The following HHAT variants were observed in gnomAD, a reference collection of about 807,000 sequenced individuals.
The protein encoded by HHAT is protein-cysteine N-palmitoyltransferase HHAT.
HHAT carries 47 observed loss-of-function variants against 70.8 expected under a neutral mutation model. That is an observed-to-expected ratio of 0.66 (90% CI 0.53 to 0.85). HHAT has a LOEUF of 0.85. Ranked by LOEUF, HHAT falls within the 40% of genes least tolerant of loss-of-function variation. The pLI is 0.00. For missense variants in HHAT, 609 were observed against 604.8 expected (o/e 1.01, Z -0.07); for synonymous variants, 228 against 247.6 (o/e 0.92, Z 0.74).
At chr1:210,346,337 C>T (rs2086524173) in intron 1 of HHAT, among the ~76,000 whole-genome samples, 1 of 152,174 alleles carries the variant, frequency 6.6e-6, no homozygotes, top group Admixed American at 6.5e-5. Flanking sequence ...CATCTTTTGA[C>T]AGGCGAGACA....
chr1:210,600,473 T>C (rs910273692), intron 10 of HHAT, among the ~76,000 whole-genome samples: 1 of 152,194 alleles, frequency 6.6e-6, no homozygotes, highest in Admixed American at 6.5e-5. Flanking sequence ...AATGCTGTTA[T>C]AATGCTCAGT....
chr1:210,518,932 A>C (rs1488613103), intron 9 of HHAT, among the ~76,000 whole-genome samples: 1 of 152,242 alleles, frequency 6.6e-6, no homozygotes, highest in Non-Finnish European at 1.5e-5. Context: ...TTTTGAAAGA[A>C]AGCTCATTGG....
chr1:210,421,573 T>A (rs2092905500), intron 7 of HHAT, among the ~76,000 whole-genome samples: 1 of 152,190 alleles, frequency 6.6e-6, no homozygotes. Flanking sequence ...GCCTCCCAAG[T>A]AGCTGGGATT....
At chr1:210,556,902 C>A (rs914242083) in intron 9 of HHAT, among the ~76,000 whole-genome samples, 1 of 152,162 alleles carries the variant, frequency 6.6e-6, no homozygotes, top group African/African-American at 2.4e-5. Flanking sequence ...AAGCCACTGA[C>A]CCCCTGAAGG....
chr1:210,486,566 T>TG (rs2094475291), intron 8 of HHAT, among the ~76,000 whole-genome samples: 1 of 152,170 alleles, frequency 6.6e-6, no homozygotes, highest in Admixed American at 6.5e-5. Context: ...TTCTTTTGAG[T>TG]GGACAGAGTC....
chr1:210,509,278 T>C (rs1261753903), intron 8 of HHAT, among the ~76,000 whole-genome samples: 1 of 152,214 alleles, frequency 6.6e-6, no homozygotes, highest in Non-Finnish European at 1.5e-5. Flanking sequence ...CTGAAGGTGC[T>C]CTCATGAGCA....
intron 9 of HHAT, among the ~76,000 whole-genome samples, chr1:210,522,946 G>A (rs555898897): frequency 2.1e-4 from 32 of 152,262 alleles, no homozygotes; most frequent in African/African-American, 7.7e-4. Flanking sequence ...GCTTGAATGG[G>A]ATGAAGTGTG....
chr1:210,616,056 C>T (rs527985735), intron 10 of HHAT, among the ~76,000 whole-genome samples: 4 of 152,246 alleles, frequency 2.6e-5, no homozygotes, highest in South Asian at 2.1e-4. Flanking sequence ...CTTGGAACTG[C>T]CCCCCACTTT....
rs1354467910 is a variant in HHAT, at chr1:210,674,491, T to C, written c.*112T>C. 4.1e-6 allele frequency: 3 copies of C among 739,966 alleles called. No homozygotes were observed. The highest frequency in any genetic ancestry group is 1.7e-5 in the African/African-American group (1 of 57,538). 45.8% of individuals were successfully genotyped at this position (739,966 alleles called of 1,614,324 possible). ...AGGGATTTGATCTGCTCATCTTCAGTTGAATGCCCTCACTCCAAGACTGGA... is the reference window on the plus strand; with the variant it reads ...AGGGATTTGATCTGCTCATCTTCAGCTGAATGCCCTCACTCCAAGACTGGA... On this transcript the variant is annotated 3_prime_UTR_variant, in exon 12 of 12. Transcript: ENST00000261458.
At chr1:210,411,386 T>C (rs574622175) in intron 6 of HHAT, among the ~76,000 whole-genome samples, 1 of 152,318 alleles carries the variant, frequency 6.6e-6, no homozygotes, top group African/African-American at 2.4e-5. Flanking sequence ...CATTTGTCTG[T>C]GTGAAGATTA....
At chr1:210,331,560 A>G (rs624600) in intron 1 of HHAT, among the ~76,000 whole-genome samples, 96,360 of 152,080 alleles carry the variant, frequency 0.63, 33,031 homozygotes, top group African/African-American at 0.91. Context: ...TCACAAATGG[A>G]TCTAGGATCC....
chr1:210,344,379 C>A (rs919242376), intron 1 of HHAT, among the ~76,000 whole-genome samples: 1 of 152,158 alleles, frequency 6.6e-6, no homozygotes, highest in Non-Finnish European at 1.5e-5. Context: ...CTCGCTATGT[C>A]TGCAGGGGTT....
chr1:210,377,303 C>CT (rs1399825963), intron 3 of HHAT, among the ~76,000 whole-genome samples: 16 of 152,216 alleles, frequency 1.1e-4, no homozygotes, highest in African/African-American at 3.9e-4. Context: ...TGTTTATCAC[C>CT]TTTTTTCATT....
chr1:210,513,099 C>T (rs1558063594), intron 8 of HHAT, 54 bp from the exon 9 acceptor site: 1 of 1,025,252 alleles, frequency 9.8e-7, no homozygotes. Flanking sequence ...GTCTAGTCTA[C>T]CATTACTATA....
chr1:210,416,542 A>G (rs2092726253), intron 6 of HHAT, among the ~76,000 whole-genome samples: 1 of 152,168 alleles, frequency 6.6e-6, no homozygotes, highest in Non-Finnish European at 1.5e-5. Flanking sequence ...ATGTTTATGA[A>G]TTCTAGAATC....
intron 9 of HHAT, among the ~76,000 whole-genome samples, chr1:210,548,209 C>G (rs1175404793): frequency 6.6e-6 from 1 of 152,176 alleles, no homozygotes. Flanking sequence ...CGAAGAACAC[C>G]TAGGAAAAGG....
intron 10 of HHAT, among the ~76,000 whole-genome samples, chr1:210,617,602 G>T (rs1022210158): frequency 1.3e-5 from 2 of 152,184 alleles, no homozygotes; most frequent in African/African-American, 4.8e-5. Context: ...AGAGCCAGTT[G>T]TTTCCTTAGT....
intron 9 of HHAT, among the ~76,000 whole-genome samples, chr1:210,526,367 G>GTTTTGTTTTGTTTTGTTTTTTTTTGTTT: frequency 7.0e-6 from 1 of 142,336 alleles, no homozygotes; most frequent in Non-Finnish European, 1.5e-5. Flanking sequence ...AGTGGGTTCT[G>GTTTTGTTTTGTTTTGTTTTTTTTTGTTT]TTTTTTTTTT....
At chr1:210,567,407 G>A (rs1402722173) in intron 9 of HHAT, among the ~76,000 whole-genome samples, 1 of 152,118 alleles carries the variant, frequency 6.6e-6, no homozygotes, top group Non-Finnish European at 1.5e-5. Flanking sequence ...ATTAAGGGAG[G>A]TGGAAATTTC....
Sources: allele counts gnomAD v4.1 joint callset (sites outside exome capture counted in the v4.1 genomes callset), GRCh38; gene constraint gnomAD v4.1.1; transcripts MANE v1.5; gene names NCBI Gene and HGNC (gene_info 2026-07-23, HGNC 2026-07-21).